The following SHTN1 variants were observed in gnomAD, a reference collection of about 807,000 sequenced individuals.
SHTN1 encodes shootin 1.
In SHTN1, 42 loss-of-function variants were observed where a neutral mutation model predicts 83.1. The observed-to-expected ratio is 0.51, with a 90% CI of 0.39 to 0.65. The LOEUF is 0.65. SHTN1 is among the 30% of genes least tolerant of loss of function. The pLI is 0.00. For missense variants in SHTN1, 622 were observed against 737.8 expected, an observed-to-expected ratio of 0.84 and a Z score of 1.82; for synonymous variants, 224 against 247.7, an observed-to-expected ratio of 0.90 and a Z score of 0.90.
chr10:117,031,964 A>G (rs1265802641), intron 2 of SHTN1, among the ~76,000 whole-genome samples: 1 of 152,200 alleles, frequency 6.6e-6, no homozygotes, highest in Non-Finnish European at 1.5e-5. Context: ...GAGTGGCTAA[A>G]TGGATAAGAA....
chr10:116,938,598 G>T (rs1408231920), intron 9 of SHTN1, among the ~76,000 whole-genome samples: 1 of 152,216 alleles, frequency 6.6e-6, no homozygotes, highest in Non-Finnish European at 1.5e-5. Context: ...TGAGGTGTCT[G>T]TAGACCCCTG....
intron 8 of SHTN1, among the ~76,000 whole-genome samples, chr10:116,943,363 A>G (rs1452085043): frequency 6.6e-6 from 1 of 152,222 alleles, no homozygotes; most frequent in Non-Finnish European, 1.5e-5. Context: ...CAACAGATGG[A>G]AAACTGAACA....
chr10:116,997,598 G>A (rs1429136844), intron 1 of SHTN1, among the ~76,000 whole-genome samples: 2 of 152,162 alleles, frequency 1.3e-5, no homozygotes, highest in Non-Finnish European at 2.9e-5. Context: ...CTGGCTTTAT[G>A]GGTTTTTAGG....
intron 2 of SHTN1, among the ~76,000 whole-genome samples, chr10:117,028,404 G>A (rs985722322): frequency 6.6e-6 from 1 of 152,174 alleles, no homozygotes; most frequent in Non-Finnish European, 1.5e-5. Context: ...CCTGCAGTCT[G>A]TAGAAATTTG....
intron 15 of SHTN1, among the ~76,000 whole-genome samples, chr10:116,905,036 C>T (rs1847907439): frequency 6.6e-6 from 1 of 151,520 alleles, no homozygotes; most frequent in South Asian, 2.1e-4. Flanking sequence ...CCCGTCTCTA[C>T]TAAAAATACA....
upstream of SHTN1, among the ~76,000 whole-genome samples, chr10:117,006,914 A>G (rs1387418697): frequency 1.3e-5 from 2 of 152,108 alleles, no homozygotes; most frequent in African/African-American, 4.8e-5. Context: ...AAATTTTGAA[A>G]AAAAAAATGG....
intron 1 of SHTN1, among the ~76,000 whole-genome samples, chr10:117,076,185 A>C (rs80315099): frequency 1.1e-5 from 1 of 87,904 alleles, no homozygotes; most frequent in East Asian, 4.2e-4. Context: ...CCTGTCTCAA[A>C]AAAAAAAAAA....
intron 1 of SHTN1, among the ~76,000 whole-genome samples, chr10:117,110,643 G>T (rs1399342104): frequency 6.6e-6 from 1 of 151,892 alleles, no homozygotes; most frequent in East Asian, 1.9e-4. Context: ...TTACAGGTGT[G>T]AGCCACCGTA....
At chr10:116,911,663 G>T in intron 14 of SHTN1, 127 bp downstream of exon 14, 1 of 1,570,814 alleles carries the variant, frequency 6.4e-7, no homozygotes. Flanking sequence ...CAAATAAACT[G>T]GCCAAAGATG....
At chr10:116,999,416 G>T (rs998583002) in intron 1 of SHTN1, among the ~76,000 whole-genome samples, 3 of 152,158 alleles carry the variant, frequency 2.0e-5, no homozygotes, top group Admixed American at 6.6e-5. Context: ...CATCCTCAAG[G>T]AGATAAGAGA....
At chr10:116,987,190 T>A (rs1851249703) in intron 1 of SHTN1, among the ~76,000 whole-genome samples, 1 of 152,044 alleles carries the variant, frequency 6.6e-6, no homozygotes, top group Non-Finnish European at 1.5e-5. Flanking sequence ...TCTTGTCTCA[T>A]CTAAGAGGTA....
intron 1 of SHTN1, among the ~76,000 whole-genome samples, chr10:117,108,498 A>G (rs1467190954): frequency 7.0e-6 from 1 of 143,196 alleles, no homozygotes; most frequent in Admixed American, 7.4e-5. Context: ...ATAGGTGGGA[A>G]TTGAACAATG....
In SHTN1 at chr10:116,944,966, C is replaced by T; in HGVS notation, c.669G>A (p.Leu223=). 1.2e-6 allele frequency: 2 copies of T among 1,612,610 alleles called. No individual in the cohort carries two copies. Among genetic ancestry groups the T allele is most frequent in the Non-Finnish European group, 1.7e-6 (2 of 1,178,728 alleles). Residue 223 remains leucine (L), a synonymous_variant, in exon 8 of 17, where the codon CTG becomes CTA. Coordinates refer to ENST00000355371, the MANE Select transcript of SHTN1 (RefSeq NM_001127211.3). Reference sequence around the variant, plus strand: ...CTGCTTTCTTTCGAAGGTCCTTCTCCAGCTCCAGGTTTACTTGCATCTCCT... The same window carrying T: ...CTGCTTTCTTTCGAAGGTCCTTCTCTAGCTCCAGGTTTACTTGCATCTCCT... ...EYEEMQVNLE[L]EKDLRKKAES...
At chr10:116,893,575 T>TACACACACACACACACACACACAC (rs1564861763) in intron 16 of SHTN1, among the ~76,000 whole-genome samples, 1 of 740 alleles carries the variant, frequency 1.4e-3, no homozygotes, top group Non-Finnish European at 3.2e-3. Flanking sequence ...GGCACTCATG[T>TACACACACACACACACACACACAC]GCACACACAC....
At chr10:117,115,746 C>A (rs1018012707) in intron 1 of SHTN1, among the ~76,000 whole-genome samples, 24 of 151,210 alleles carry the variant, frequency 1.6e-4, no homozygotes, top group African/African-American at 5.2e-4. Flanking sequence ...CTAGAGATTT[C>A]TTCAAGAGAA....
intron 1 of SHTN1, among the ~76,000 whole-genome samples, chr10:117,048,661 T>G (rs188672426): frequency 1.3e-5 from 2 of 152,322 alleles, no homozygotes; most frequent in Admixed American, 6.5e-5. Flanking sequence ...CCGCCCACAT[T>G]GAACTTCTGT....
chr10:117,061,595 G>A (rs1354193307), intron 1 of SHTN1, among the ~76,000 whole-genome samples: 1 of 152,020 alleles, frequency 6.6e-6, no homozygotes, highest in Non-Finnish European at 1.5e-5. Context: ...TCAGTCTCCT[G>A]AGTAGCTGGG....
At chr10:116,903,651 T>C (rs894528831) in intron 15 of SHTN1, among the ~76,000 whole-genome samples, 2 of 152,120 alleles carry the variant, frequency 1.3e-5, no homozygotes. Context: ...AAAATATAAA[T>C]ACGAAGTTGA....
intron 9 of SHTN1, among the ~76,000 whole-genome samples, chr10:116,938,608 G>A (rs1045894431): frequency 2.6e-5 from 4 of 152,224 alleles, no homozygotes; most frequent in Non-Finnish European, 5.9e-5. Flanking sequence ...GTAGACCCCT[G>A]CTGGGAGGTG....
Sources: gnomAD v4.1 joint callset for allele counts (sites outside exome capture counted in the v4.1 genomes callset) on GRCh38, gnomAD v4.1.1 for gene constraint, MANE v1.5 for transcripts, NCBI Gene and HGNC (gene_info 2026-07-23, HGNC 2026-07-21) for gene names.